The following KCNIP4 variants were observed in gnomAD, a reference collection of about 807,000 sequenced individuals.
The protein encoded by KCNIP4 is Kv channel-interacting protein 4.
Under a neutral mutation model 34.0 loss-of-function variants are expected in KCNIP4, and 12 were observed. The observed-to-expected ratio is 0.35, with a 90% confidence interval of 0.23 to 0.57. The LOEUF (loss-of-function observed/expected upper bound fraction) is 0.57. KCNIP4 is among the 20% of genes least tolerant of loss of function. The pLI is 0.83. For synonymous variants in KCNIP4, 124 were observed against 102.2 expected, an observed-to-expected ratio of 1.21 and a Z score of -1.29; for missense variants, 238 against 311.7, an observed-to-expected ratio of 0.76 and a Z score of 1.78.
chr4:21,628,035 T>C (rs545275592), intron 1 of KCNIP4, among the ~76,000 whole-genome samples: 3 of 152,274 alleles, frequency 2.0e-5, no homozygotes, highest in African/African-American at 7.2e-5. Flanking sequence ...CCAAAATAGA[T>C]ATATTTTACA....
At chr4:21,071,044 C>G (rs934568922) in intron 1 of KCNIP4, among the ~76,000 whole-genome samples, 8 of 151,976 alleles carry the variant, frequency 5.3e-5, no homozygotes, top group Non-Finnish European at 1.2e-4. Flanking sequence ...TCAATATCTT[C>G]TCCCAGTCTG....
intron 1 of KCNIP4, among the ~76,000 whole-genome samples, chr4:21,638,072 A>C (rs2109225431): frequency 6.6e-6 from 1 of 152,298 alleles, no homozygotes; most frequent in African/African-American, 2.4e-5. Flanking sequence ...ATAACACATC[A>C]GTACTTTTGG....
intron 1 of KCNIP4, among the ~76,000 whole-genome samples, chr4:21,757,099 AAAAGAAAGAAAGAAAGAAAG>A (rs1240357604): frequency 9.1e-6 from 1 of 109,794 alleles, no homozygotes; most frequent in East Asian, 3.7e-4. Flanking sequence ...CTGTCTCAAA[AAAAGAAAGAAAGAAAGAAAG>A]AAAGAAAGAA....
In KCNIP4 at chr4:20,770,643, T is replaced by G. The variant is rs553228094; in HGVS notation, c.289-11753A>C. The stretch of plus-strand genomic sequence containing the variant: ...TGAAAAAATAAAAATTAAAAATAAA[T>G]AAAAAATAAGGCAGGTGCAGTGGCT... On this transcript the variant is annotated intron_variant, in intron 3 of 8. Transcript: ENST00000382152. Among the ~76,000 whole-genome samples the G allele has an allele frequency of 1.0e-3, 153 of 152,012 alleles. 1 individual carries two copies. The highest frequency in any genetic ancestry group is 3.5e-3 in the African/African-American group (147 of 41,500).
At chr4:21,841,523 T>A (rs1723676220) in intron 1 of KCNIP4, among the ~76,000 whole-genome samples, 1 of 152,188 alleles carries the variant, frequency 6.6e-6, no homozygotes, top group Non-Finnish European at 1.5e-5. Context: ...ATCCAGGAAC[T>A]TCTGCCTATA....
chr4:21,765,676 G>C (rs1351419282), intron 1 of KCNIP4, among the ~76,000 whole-genome samples: 3 of 150,822 alleles, frequency 2.0e-5, no homozygotes, highest in South Asian at 2.1e-4. Flanking sequence ...TTATTGCTCA[G>C]ACTGGTCTTG....
intron 1 of KCNIP4, among the ~76,000 whole-genome samples, chr4:21,394,528 G>T (rs1359796717): frequency 1.3e-5 from 2 of 152,134 alleles, no homozygotes; most frequent in Non-Finnish European, 2.9e-5. Flanking sequence ...GTATAAATAT[G>T]CTGTCTTATC....
intron 1 of KCNIP4, among the ~76,000 whole-genome samples, chr4:21,361,864 A>C (rs1719264113): frequency 1.3e-5 from 2 of 152,102 alleles, no homozygotes; most frequent in Non-Finnish European, 2.9e-5. Flanking sequence ...TGTAACTAAA[A>C]TTAGCAGGAA....
intron 1 of KCNIP4, among the ~76,000 whole-genome samples, chr4:21,749,194 G>A (rs552607299): frequency 2.4e-4 from 36 of 152,100 alleles, no homozygotes; most frequent in Non-Finnish European, 5.1e-4. Flanking sequence ...GAAGGCTTCT[G>A]GTGTTCATGC....
chr4:20,749,057 C>T (rs1241664187), intron 5 of KCNIP4, among the ~76,000 whole-genome samples: 2 of 151,292 alleles, frequency 1.3e-5, no homozygotes, highest in Non-Finnish European at 2.9e-5. Flanking sequence ...ACTCAGGAGG[C>T]TGAGACAGGA....
chr4:21,403,887 T>A (rs970156132), intron 1 of KCNIP4, among the ~76,000 whole-genome samples: 1 of 152,174 alleles, frequency 6.6e-6, no homozygotes, highest in African/African-American at 2.4e-5. Context: ...GCTTCTTTTA[T>A]ACGAGCACTA....
chr4:21,002,966 C>A (rs1213152392), intron 1 of KCNIP4, among the ~76,000 whole-genome samples: 2 of 152,132 alleles, frequency 1.3e-5, no homozygotes. Context: ...TATAAACATC[C>A]CTCACATAAT....
At chr4:20,833,083 C>T (rs1252760316) in intron 3 of KCNIP4, among the ~76,000 whole-genome samples, 1 of 152,196 alleles carries the variant, frequency 6.6e-6, no homozygotes, top group Non-Finnish European at 1.5e-5. Context: ...CACAAATGTG[C>T]AGCCTGTTGT....
intron 1 of KCNIP4, among the ~76,000 whole-genome samples, chr4:21,874,491 G>T (rs1725986132): frequency 6.6e-6 from 1 of 152,110 alleles, no homozygotes; most frequent in African/African-American, 2.4e-5. Context: ...ACCCACAGAG[G>T]GAGAGAGAAT....
chr4:21,339,710 T>C (rs748948738), intron 1 of KCNIP4, among the ~76,000 whole-genome samples: 49 of 152,084 alleles, frequency 3.2e-4, no homozygotes, highest in Admixed American at 2.6e-4. Flanking sequence ...CTTGGGTGAA[T>C]TGGTGCTGCC....
At chr4:20,970,116 T>C (rs189940768) in intron 1 of KCNIP4, among the ~76,000 whole-genome samples, 1 of 152,200 alleles carries the variant, frequency 6.6e-6, no homozygotes, top group African/African-American at 2.4e-5. Context: ...TAATTTTTTG[T>C]ATTTTTAGTA....
rs557897621 is a variant in KCNIP4, at chr4:21,013,536, T to C, written c.62-130827A>G. On this transcript the variant is annotated intron_variant, in intron 1 of 8. Transcript: ENST00000382152. ...GAAGCCTTGAAAATGCCACCAAGCT[T>C]TTGGGCTCAGAATGAATCATGATGG... Among the ~76,000 whole-genome samples the C allele has an allele frequency of 2.6e-5, 4 of 152,174 alleles. No individual in the cohort carries two copies. In the South Asian group the frequency reaches 6.2e-4, roughly 24 times the overall value.
chr4:21,433,044 T>G (rs764290191), intron 1 of KCNIP4, among the ~76,000 whole-genome samples: 8 of 152,152 alleles, frequency 5.3e-5, no homozygotes, highest in Non-Finnish European at 1.0e-4. Context: ...AAGGTTAACC[T>G]TGTGTAGTAG....
At chr4:21,598,585 G>A (rs981421330) in intron 1 of KCNIP4, among the ~76,000 whole-genome samples, 3 of 152,048 alleles carry the variant, frequency 2.0e-5, no homozygotes, top group Non-Finnish European at 4.4e-5. Context: ...ATGATGGTGA[G>A]AAAGTCAACT....
Sources: gnomAD v4.1 joint callset for allele counts (sites outside exome capture counted in the v4.1 genomes callset) on GRCh38, gnomAD v4.1.1 for gene constraint, MANE v1.5 for transcripts, NCBI Gene and HGNC (gene_info 2026-07-23, HGNC 2026-07-21) for gene names.